The following CACUL1 variants were observed in gnomAD, a reference collection of about 807,000 sequenced individuals.
The protein encoded by CACUL1 is CDK2-associated and cullin domain-containing protein 1.
CACUL1 carries 13 observed loss-of-function variants against 45.2 expected under a neutral mutation model. The observed-to-expected ratio is 0.29, with a 90% CI of 0.19 to 0.46. The LOEUF is 0.46. Among genes scored for constraint, CACUL1 ranks in the 20% least tolerant of loss-of-function variants. CACUL1 has a pLI of 1.00. For missense variants in CACUL1, 421 were observed against 471.4 expected (o/e 0.89, Z 0.99); for synonymous variants, 197 against 174.2 (o/e 1.13, Z -1.03).
At chr10:118,694,675 TTGGTA>T (rs1845302792) in intron 6 of CACUL1, among the ~76,000 whole-genome samples, 1 of 152,224 alleles carries the variant, frequency 6.6e-6, no homozygotes, top group Non-Finnish European at 1.5e-5. Context: ...ATAGTGATCT[TTGGTA>T]TTTGCTTTGG....
At chr10:118,707,285 T>C (rs1845441200) in intron 4 of CACUL1, among the ~76,000 whole-genome samples, 1 of 152,202 alleles carries the variant, frequency 6.6e-6, no homozygotes, top group East Asian at 1.9e-4. Flanking sequence ...TATTCAGCAA[T>C]TGTTATGGAA....
chr10:118,737,126 T>A (rs745329398), intron 1 of CACUL1, among the ~76,000 whole-genome samples: 41 of 148,972 alleles, frequency 2.8e-4, no homozygotes, highest in Non-Finnish European at 4.4e-5. Context: ...CTGTTCCTTA[T>A]TAGGAGGGAA....
intron 1 of CACUL1, among the ~76,000 whole-genome samples, chr10:118,742,817 T>C (rs924291858): frequency 1.1e-4 from 17 of 152,076 alleles, no homozygotes; most frequent in African/African-American, 3.9e-4. Flanking sequence ...CCTAAATAAA[T>C]AGGAGACAGC....
chr10:118,676,686 T>G lies in CACUL1; in HGVS notation c.*9442A>C, dbSNP rs1428368746. 1 of 152,158 alleles carries G rather than the reference T, an allele frequency of 6.6e-6. No individual in the cohort carries two copies. Among genetic ancestry groups the G allele is most frequent in the African/African-American group, 2.4e-5 (1 of 41,430 alleles). The allele number at this position is 152,158 out of a possible 1,614,324, so 9.4% of individuals were successfully genotyped here. On this transcript the variant is annotated 3_prime_UTR_variant, in exon 9 of 9. Coordinates refer to ENST00000369151, the MANE Select transcript of CACUL1 (RefSeq NM_153810.5). ...AATCATGACTCTCTCTAAAAGAACA[T>G]TTTTTTAGAAAGAGCAAAGGTTTAT...
At chr10:118,691,461 G>A in intron 6 of CACUL1, 58 bp from the exon 7 acceptor site, 1 of 1,477,614 alleles carries the variant, frequency 6.8e-7, no homozygotes, top group Non-Finnish European at 9.2e-7. Flanking sequence ...AAATTAAATG[G>A]AAAAGGGAAA....
chr10:118,687,126 G>C (rs899416399), intron 7 of CACUL1, among the ~76,000 whole-genome samples: 10 of 152,040 alleles, frequency 6.6e-5, no homozygotes, highest in Non-Finnish European at 1.5e-4. Context: ...ACCTCACCCT[G>C]TCTGCCATCC....
rs547363842 is a variant in CACUL1, at chr10:118,726,122, C to T, written c.597+3173G>A. Reference sequence around the variant, plus strand: ...TATTTCATTATGAAAACCAGAGCTGCAAACAAAATGCTCCATCCAAATAAA... The same window carrying T: ...TATTTCATTATGAAAACCAGAGCTGTAAACAAAATGCTCCATCCAAATAAA... On this transcript the variant is annotated intron_variant, in intron 3 of 8. Transcript: ENST00000369151. Among the ~76,000 whole-genome samples, 3 of 152,304 alleles carry T rather than the reference C, an allele frequency of 2.0e-5. No homozygotes were observed. The South Asian group carries it at 6.2e-4, about 32-fold the overall frequency.
intron 6 of CACUL1, among the ~76,000 whole-genome samples, chr10:118,691,928 CT>C (rs1292303510): frequency 7.0e-6 from 1 of 143,658 alleles, no homozygotes; most frequent in Non-Finnish European, 1.5e-5. Context: ...GCCATTTTTA[CT>C]TTACTGATTT....
intron 1 of CACUL1, among the ~76,000 whole-genome samples, chr10:118,736,230 A>T (rs962222726): frequency 1.1e-4 from 16 of 152,164 alleles, no homozygotes; most frequent in African/African-American, 3.9e-4. Flanking sequence ...TTTTAAACAG[A>T]AAAAATTTTA....
At chr10:118,693,664 T>C in intron 6 of CACUL1, 1 of 453,056 alleles carries the variant, frequency 2.2e-6, no homozygotes, top group South Asian at 1.6e-5. Context: ...CTTAGATGCT[T>C]TCAAAGGAAA....
intron 3 of CACUL1, among the ~76,000 whole-genome samples, chr10:118,728,780 G>A (rs1342552040): frequency 1.3e-5 from 2 of 152,156 alleles, no homozygotes; most frequent in Non-Finnish European, 2.9e-5. Context: ...ATCAAGCTAA[G>A]TGCTCCCTTA....
intron 1 of CACUL1, among the ~76,000 whole-genome samples, chr10:118,735,250 T>C (rs1196363661): frequency 6.6e-6 from 1 of 152,240 alleles, no homozygotes; most frequent in Non-Finnish European, 1.5e-5. Context: ...GCAAACCAGG[T>C]TAGCCCTACT....
intron 1 of CACUL1, among the ~76,000 whole-genome samples, chr10:118,732,500 T>G (rs1406431884): frequency 6.6e-6 from 1 of 152,212 alleles, no homozygotes; most frequent in African/African-American, 2.4e-5. Context: ...TGCCAGAGCT[T>G]GCTCTGCTTG....
intron 3 of CACUL1, among the ~76,000 whole-genome samples, chr10:118,723,147 C>A (rs939668074): frequency 6.6e-6 from 1 of 151,984 alleles, no homozygotes; most frequent in Admixed American, 6.6e-5. Context: ...TGAAGTTATC[C>A]TATTTTCTAT....
At chr10:118,701,081 G>C (rs1405223393) in intron 5 of CACUL1, among the ~76,000 whole-genome samples, 1 of 152,152 alleles carries the variant, frequency 6.6e-6, no homozygotes, top group Non-Finnish European at 1.5e-5. Context: ...GCAGACACAA[G>C]GGCACTGTCC....
chr10:118,733,635 T>C (rs1296811133), intron 1 of CACUL1, among the ~76,000 whole-genome samples: 1 of 152,214 alleles, frequency 6.6e-6, no homozygotes, highest in Non-Finnish European at 1.5e-5. Context: ...GTGTGTGTAA[T>C]CTTGAACTTA....
intron 1 of CACUL1, among the ~76,000 whole-genome samples, chr10:118,739,912 A>G (rs1845776300): frequency 6.6e-6 from 1 of 152,236 alleles, no homozygotes. Flanking sequence ...TGGGAAGCCC[A>G]GGCAGATGGA....
At chr10:118,730,108 A>T (rs1475703066) in intron 2 of CACUL1, among the ~76,000 whole-genome samples, 176 bp downstream of exon 2, 1 of 152,180 alleles carries the variant, frequency 6.6e-6, no homozygotes, top group Non-Finnish European at 1.5e-5. Flanking sequence ...TCTGAAAACC[A>T]CTTTTGAATC....
At chr10:118,697,235 CTTTTTA>C (rs997704236) in intron 5 of CACUL1, among the ~76,000 whole-genome samples, 2 of 152,094 alleles carry the variant, frequency 1.3e-5, no homozygotes, top group African/African-American at 4.8e-5. Flanking sequence ...TATCATCTAC[CTTTTTA>C]TTTTTAACAA....
Sources: gnomAD v4.1 joint callset for allele counts (sites outside exome capture counted in the v4.1 genomes callset) on GRCh38, gnomAD v4.1.1 for gene constraint, MANE v1.5 for transcripts, NCBI Gene and HGNC (gene_info 2026-07-23, HGNC 2026-07-21) for gene names.